C14orf119: variants seen among roughly 807,000 people sequenced by gnomAD.
C14orf119 encodes chromosome 14 open reading frame 119.
A neutral mutation model predicts 13.5 loss-of-function variants in C14orf119; 17 were observed. The observed-to-expected ratio is 1.26, with a 90% confidence interval of 0.86 to 1.88. C14orf119 has a LOEUF of 1.88. Among genes scored for constraint, C14orf119 ranks in the 40% most tolerant of loss-of-function variants. The pLI, the probability that C14orf119 is intolerant of heterozygous loss-of-function variation, is 0.00. For synonymous variants in C14orf119, 61 were observed against 61.9 expected (o/e 0.99, Z 0.07); for missense variants, 162 against 165.9 (o/e 0.98, Z 0.13).
Position 23,097,868 on chromosome 14 carries a change from A to G in C14orf119, c.210A>G (p.Leu70=). 6.2e-7 allele frequency: 1 copy of G among 1,614,218 alleles called. No individual in the cohort carries two copies. The change falls in exon 2 of 2, where the codon TTA becomes TTG. Residue 70 remains leucine (L), a synonymous_variant. Transcript: ENST00000319074. The stretch of plus-strand genomic sequence containing the variant: ...TAGCTAAGGCAGTGCCAGAAAAATT[A>G]CAACCACTGCTGGATAGTCTGGAGC... ...DLVAKAVPEK[L]QPLLDSLEQL...
Position 23,098,965 on chromosome 14 carries a change from CT to C in C14orf119, c.*889del. The C allele has an allele frequency of 5.1e-6, 1 of 195,492 alleles. No homozygotes were observed. 12.1% of individuals were successfully genotyped at this position (195,492 alleles called of 1,614,324 possible). A position where few individuals can be genotyped will look rare whatever the true frequency, so the allele number is the denominator to read the frequency against. ...ACAGGCATGAACCATCATACCTGGC[CT>C]TTTTCTAAGGCATATGTATGTGATA... On this transcript the variant is annotated 3_prime_UTR_variant, in exon 2 of 2. Transcript: ENST00000319074.
rs1391607809 is a variant in C14orf119, at chr14:23,097,847, T to C, written c.189T>C (p.Ala63=). ...AACGTTTCCTAGAGGACCTGGTAGC[T>C]AAGGCAGTGCCAGAAAAATTACAAC... ...QRERFLEDLV[A]KAVPEKLQPL... Residue 63 remains alanine (A), a synonymous_variant, in exon 2 of 2, where the codon GCT becomes GCC. Transcript: ENST00000319074. 1.9e-6 allele frequency: 3 copies of C among 1,614,242 alleles called. No individual in the cohort carries two copies. Among genetic ancestry groups the C allele is most frequent in the Non-Finnish European group, 2.5e-6 (3 of 1,180,034 alleles).
chr14:23,099,467 T>C lies in C14orf119; in HGVS notation c.*1386T>C. 7.3e-6 allele frequency: 3 copies of C among 413,438 alleles called. No homozygotes were observed. The allele number at this position is 413,438 out of a possible 1,614,324, so 25.6% of individuals were successfully genotyped here. A position where few individuals can be genotyped will look rare whatever the true frequency, so the allele number is the denominator to read the frequency against. On this transcript the variant is annotated 3_prime_UTR_variant, in exon 2 of 2. Transcript: ENST00000319074. ...AGCCTTAGGTGGGTCATGGAGGGATTATGGTCTGAAGTAACCAGCAACCTA... is the reference window on the plus strand; with the variant it reads ...AGCCTTAGGTGGGTCATGGAGGGATCATGGTCTGAAGTAACCAGCAACCTA...
chr14:23,096,651 A>C (rs2048380299), intron 1 of C14orf119, among the ~76,000 whole-genome samples: 1 of 150,262 alleles, frequency 6.7e-6, no homozygotes, highest in Admixed American at 6.6e-5. Flanking sequence ...ATCAGGGCTC[A>C]CTGCAGCCTC....
rs922561875 is a variant in C14orf119 at position 23,099,687 on chromosome 14, A to T, written c.*1606A>T. 5 of 356,982 alleles carry T rather than the reference A, an allele frequency of 1.4e-5. No individual in the cohort carries two copies. The highest frequency in any genetic ancestry group is 2.1e-5 in the African/African-American group (1 of 47,314). 22.1% of individuals were successfully genotyped at this position (356,982 alleles called of 1,614,324 possible). ...CAATTCTCCTGCCTCAACCTTCCGA[A>T]TAGCTGGGACTACAGGCGCACGCCG... On this transcript the variant is annotated 3_prime_UTR_variant, in exon 2 of 2. Transcript: ENST00000319074.
Position 23,099,708 on chromosome 14 carries a change from C to T in C14orf119, c.*1627C>T, listed in dbSNP as rs946721034. On this transcript the variant is annotated 3_prime_UTR_variant, in exon 2 of 2. Coordinates refer to ENST00000319074, the MANE Select transcript of C14orf119 (RefSeq NM_017924.4). ...CCGAATAGCTGGGACTACAGGCGCA[C>T]GCCGCACCACCACGTCTGGCTAAGG... 1.3e-4 allele frequency: 45 copies of T among 333,396 alleles called. No individual in the cohort carries two copies. Among genetic ancestry groups the T allele is most frequent in the African/African-American group, 7.4e-4 (35 of 47,056 alleles). The allele number at this position is 333,396 out of a possible 1,614,324, so 20.7% of individuals were successfully genotyped here.
Position 23,095,582 on chromosome 14 carries a change from G to T in C14orf119, c.-39G>T. 1 of 406,722 alleles carries T rather than the reference G, an allele frequency of 2.5e-6. No individual in the cohort carries two copies. Among genetic ancestry groups the T allele is most frequent in the Non-Finnish European group, 4.5e-6 (1 of 223,126 alleles). 25.2% of individuals were successfully genotyped at this position (406,722 alleles called of 1,614,324 possible). On this transcript the variant is annotated 5_prime_UTR_variant, in exon 1 of 2. Transcript: ENST00000319074. ...CGCAGTAGTTGGAGTCTAAGGACTC[G>T]TGACAATCTTCGGGTGCCCTTCGAG...
Position 23,095,555 on chromosome 14 carries a change from G to T in C14orf119, c.-66G>T, listed in dbSNP as rs1353601407. 1.0e-5 allele frequency: 5 copies of T among 476,300 alleles called. No individual in the cohort carries two copies. In the Admixed American group the frequency reaches 1.2e-4, roughly 11 times the overall value. The allele number at this position is 476,300 out of a possible 1,614,324, so 29.5% of individuals were successfully genotyped here. On this transcript the variant is annotated 5_prime_UTR_variant, in exon 1 of 2. Coordinates refer to ENST00000319074, the MANE Select transcript of C14orf119 (RefSeq NM_017924.4). ...AGGGTTTTCAGGAAATTTGGAAGCTGCCGCAGTAGTTGGAGTCTAAGGACT... is the reference window on the plus strand; with the variant it reads ...AGGGTTTTCAGGAAATTTGGAAGCTTCCGCAGTAGTTGGAGTCTAAGGACT...
Position 23,097,699 on chromosome 14 carries a change from C to T in C14orf119, c.41C>T (p.Pro14Leu), listed in dbSNP as rs1242112088. 1.9e-6 allele frequency: 3 copies of T among 1,614,000 alleles called. No homozygotes were observed. The highest frequency in any genetic ancestry group is 2.5e-6 in the Non-Finnish European group (3 of 1,179,970). The change falls in exon 2 of 2, where the codon CCA becomes CTA. Residue 14 changes from proline (P) to leucine (L), a missense_variant. Physicochemically the swap from Pro to Leu is moderately conservative, Grantham distance 98. Coordinates refer to ENST00000319074, the MANE Select transcript of C14orf119 (RefSeq NM_017924.4). ...TCCTCTTCAATGCCACTATCCTTCC[C>T]ATCTCTCTTACCCTCAGTACCACAC... Reference protein sequence around the residue: ...ESSSSMPLSFPSLLPSVPHNT... With the variant: ...ESSSSMPLSFLSLLPSVPHNT...
chr14:23,096,387 C>T (rs1161833473), intron 1 of C14orf119, among the ~76,000 whole-genome samples: 2 of 151,724 alleles, frequency 1.3e-5, no homozygotes, highest in African/African-American at 2.4e-5. Flanking sequence ...GGCGTGGTGG[C>T]GTACGCCTAT....
rs1170885385 is a variant in C14orf119 at position 23,097,519 on chromosome 14, A to G, written c.-1-139A>G. 7.0e-6 allele frequency: 5 copies of G among 713,638 alleles called. No homozygotes were observed. In the African/African-American group the frequency reaches 9.7e-5, roughly 14 times the overall value. The allele number at this position is 713,638 out of a possible 1,614,324, so 44.2% of individuals were successfully genotyped here. On this transcript the variant is annotated intron_variant, in intron 1 of 1. Coordinates refer to ENST00000319074, the MANE Select transcript of C14orf119 (RefSeq NM_017924.4). ...ATAATAATCTAAATAAAGGACTCTTATTATTTTGGGTCTTTGAATTCATAA... is the reference window on the plus strand; with the variant it reads ...ATAATAATCTAAATAAAGGACTCTTGTTATTTTGGGTCTTTGAATTCATAA...
Position 23,098,147 on chromosome 14 carries a change from A to T in C14orf119, c.*66A>T. The T allele has an allele frequency of 6.5e-7, 1 of 1,527,232 alleles. No individual in the cohort carries two copies. The highest frequency in any genetic ancestry group is 8.9e-7 in the Non-Finnish European group (1 of 1,121,226). The allele number at this position is 1,527,232 out of a possible 1,614,324, so 94.6% of individuals were successfully genotyped here. Reference sequence around the variant, plus strand: ...CCATGACTCTCTACAATGATAACTCAATTCAAATGTGTCGCCTAAAGCTCT... The same window carrying T: ...CCATGACTCTCTACAATGATAACTCTATTCAAATGTGTCGCCTAAAGCTCT... On this transcript the variant is annotated 3_prime_UTR_variant, in exon 2 of 2. Coordinates refer to ENST00000319074, the MANE Select transcript of C14orf119 (RefSeq NM_017924.4).
chr14:23,097,743 C>G lies in C14orf119; in HGVS notation c.85C>G (p.Pro29Ala). The G allele has an allele frequency of 6.2e-7, 1 of 1,614,028 alleles. No individual in the cohort carries two copies. Among genetic ancestry groups the G allele is most frequent in the Non-Finnish European group, 8.5e-7 (1 of 1,179,874 alleles). ...ACCACACAATACTAACCCTTCCCCT[C>G]CTCTGATGTCTTACATCACCTCCCA... ...SVPHNTNPSP[P>A]LMSYITSQEM... Residue 29 changes from proline (P) to alanine (A), a missense_variant, in exon 2 of 2, where the codon CCT becomes GCT. Pro to Ala is a conservative substitution (Grantham distance 27, BLOSUM62 -1). Transcript: ENST00000319074.
At chr14:23,095,971 T>G (rs2048364732) in intron 1 of C14orf119, among the ~76,000 whole-genome samples, 1 of 152,264 alleles carries the variant, frequency 6.6e-6, no homozygotes, top group South Asian at 2.1e-4. Context: ...TTGGAGGAAC[T>G]GCTTCCTGTA....
chr14:23,097,842 G>A lies in C14orf119; in HGVS notation c.184G>A (p.Val62Ile), dbSNP rs2048397887. 2.5e-6 allele frequency: 4 copies of A among 1,614,198 alleles called. No individual in the cohort carries two copies. The highest frequency in any genetic ancestry group is 3.4e-6 in the Non-Finnish European group (4 of 1,180,032). Residue 62 changes from valine to isoleucine, a missense_variant, in exon 2 of 2, where the codon GTA becomes ATA. By Grantham distance (29) the Val-to-Ile change is conservative (BLOSUM62 3). Coordinates refer to ENST00000319074, the MANE Select transcript of C14orf119 (RefSeq NM_017924.4). Reference sequence around the variant, plus strand: ...GCGTGAACGTTTCCTAGAGGACCTGGTAGCTAAGGCAGTGCCAGAAAAATT... The same window carrying A: ...GCGTGAACGTTTCCTAGAGGACCTGATAGCTAAGGCAGTGCCAGAAAAATT... ...PQRERFLEDL[V>I]AKAVPEKLQP...
chr14:23,096,777 A>C (rs1340147013), intron 1 of C14orf119, among the ~76,000 whole-genome samples: 1 of 151,958 alleles, frequency 6.6e-6, no homozygotes, highest in East Asian at 1.9e-4. Flanking sequence ...AGGTTTTGCC[A>C]TGTTGCCCAG....
In C14orf119 at chr14:23,097,992, A is replaced by C. The variant is rs145142363; in HGVS notation, c.334A>C (p.Asn112His). Residue 112 changes from asparagine to histidine, a missense_variant, in exon 2 of 2, where the codon AAT becomes CAT. Physicochemically the swap from Asn to His is moderately conservative, Grantham distance 68. Coordinates refer to ENST00000319074, the MANE Select transcript of C14orf119 (RefSeq NM_017924.4). ...TCGAGGCTGGGCTGAGCAGGAGCGC[A>C]ATGAATTTGTCAGACAGCTGGAGTT... ...WFRGWAEQER[N>H]EFVRQLEFSE... 8 of 1,614,054 alleles carry C rather than the reference A, an allele frequency of 5.0e-6. No individual in the cohort carries two copies. In the African/African-American group the frequency reaches 9.3e-5, roughly 19 times the overall value.
In C14orf119 at chr14:23,095,603, T is replaced by A. The variant is rs2048357749; in HGVS notation, c.-18T>A. The A allele has an allele frequency of 2.8e-6, 1 of 355,182 alleles. No individual in the cohort carries two copies. The highest frequency in any genetic ancestry group is 5.2e-6 in the Non-Finnish European group (1 of 191,356). The allele number at this position is 355,182 out of a possible 1,614,324, so 22.0% of individuals were successfully genotyped here. On this transcript the variant is annotated 5_prime_UTR_variant, in exon 1 of 2. Transcript: ENST00000319074. The stretch of plus-strand genomic sequence containing the variant: ...ACTCGTGACAATCTTCGGGTGCCCT[T>A]CGAGAGAAAAGGGGAGGTAAGCGGG...
Position 23,099,557 on chromosome 14 carries a change from CTTTTTTTT to C in C14orf119, c.*1488_*1495del, listed in dbSNP as rs11372755. 1 of 308,084 alleles carries C rather than the reference CTTTTTTTT, an allele frequency of 3.2e-6. No homozygotes were observed. Among genetic ancestry groups the C allele is most frequent in the Non-Finnish European group, 5.7e-6 (1 of 176,122 alleles). The allele number at this position is 308,084 out of a possible 1,614,324, so 19.1% of individuals were successfully genotyped here. ...GCCTTAGTAGATAAAGCGGCATTACCTTTTTTTTTTTTTTTTTTTGGAGACAAGGTCTT... is the reference window on the plus strand; with the variant it reads ...GCCTTAGTAGATAAAGCGGCATTACCTTTTTTTTTTTGGAGACAAGGTCTT... On this transcript the variant is annotated 3_prime_UTR_variant, in exon 2 of 2. Coordinates refer to ENST00000319074, the MANE Select transcript of C14orf119 (RefSeq NM_017924.4).
Sources: gnomAD v4.1 joint callset for allele counts (sites outside exome capture counted in the v4.1 genomes callset) on GRCh38, gnomAD v4.1.1 for gene constraint, MANE v1.5 for transcripts, NCBI Gene and HGNC (gene_info 2026-07-23, HGNC 2026-07-21) for gene names.